The following DMBT1 variants were observed in gnomAD, a reference collection of about 807,000 sequenced individuals.
DMBT1 encodes scavenger receptor cysteine-rich domain-containing protein DMBT1.
In DMBT1, 198 loss-of-function variants were observed where a neutral mutation model predicts 252.9. The ratio of observed to expected loss-of-function variants is 0.78; its 90% confidence interval spans 0.70 to 0.88. DMBT1 has a LOEUF of 0.88. DMBT1 is among the 40% of genes least tolerant of loss of function. The pLI, the probability that DMBT1 is intolerant of heterozygous loss-of-function variation, is 0.00. For synonymous variants in DMBT1, 990 were observed against 942.7 expected (o/e 1.05, Z -0.92); for missense variants, 2,432 against 2,404.7 (o/e 1.01, Z -0.24).
chr10:122,579,643 G>A lies in DMBT1; in HGVS notation c.745G>A (p.Val249Ile), dbSNP rs778048506. Residue 249 changes from valine (V) to isoleucine (I), a missense_variant, in exon 10 of 56, where the codon GTC becomes ATC. Coordinates refer to ENST00000338354, the MANE Select transcript of DMBT1 (RefSeq NM_001377530.1). The part of the protein sequence containing the change: ...GGDRCRGRVE[V>I]LYRGSWGTVC... ...CGACAGGTGTCGAGGCCGAGTGGAG[G>A]TCCTATACCGAGGCTCCTGGGGCAC... 2.5e-6 allele frequency: 4 copies of A among 1,613,582 alleles called. No homozygotes were observed. The highest frequency in any genetic ancestry group is 1.7e-5 in the Admixed American group (1 of 59,982).
chr10:122,566,121 A>G, intron 2 of DMBT1, 125 bp downstream of exon 2: 1 of 972,510 alleles, frequency 1.0e-6, no homozygotes, highest in East Asian at 2.5e-5. Flanking sequence ...CGAATGCAGG[A>G]ATGCCGGGGG....
intron 10 of DMBT1, among the ~76,000 whole-genome samples, chr10:122,580,203 G>T (rs2097755809): frequency 6.6e-6 from 1 of 152,216 alleles, no homozygotes; most frequent in African/African-American, 2.4e-5. Flanking sequence ...GAGTAGCACG[G>T]TGTGAGGGTA....
rs749268445 is a variant in DMBT1 at position 122,621,237 on chromosome 10, C to T, written c.5465C>T (p.Ala1822Val). ...TGGGCCATGTCGGCCCCAGGAAATG[C>T]CCGGTTTGGCCAGGGCTCAGGACCC... ...CGWAMSAPGN[A>V]RFGQGSGPIV... Residue 1822 changes from alanine to valine, a missense_variant, in exon 44 of 56, where the codon GCC (alanine) becomes GTC (valine). Around this residue, in one of 3 missense-constraint regions of DMBT1, gnomAD observed 1,162 missense variants for 1,169.0 expected, o/e 0.99. Transcript: ENST00000338354. The T allele has an allele frequency of 1.9e-6, 3 of 1,613,806 alleles. No homozygotes were observed. Among genetic ancestry groups the T allele is most frequent in the African/African-American group, 1.3e-5 (1 of 75,018 alleles).
intron 6 of DMBT1, among the ~76,000 whole-genome samples, chr10:122,574,452 G>A (rs1357259081): frequency 6.6e-6 from 1 of 152,144 alleles, no homozygotes; most frequent in African/African-American, 2.4e-5. Flanking sequence ...CATGCAGTTG[G>A]GAATGCTGAT....
intron 6 of DMBT1, among the ~76,000 whole-genome samples, chr10:122,575,971 C>T (rs1985795): frequency 0.64 from 97,270 of 151,954 alleles, 31,618 homozygotes; most frequent in Admixed American, 0.73. Flanking sequence ...AGGAATATCA[C>T]GTGACAAATG....
chr10:122,568,270 G>C (rs372525217), intron 2 of DMBT1, among the ~76,000 whole-genome samples: 1 of 152,206 alleles, frequency 6.6e-6, no homozygotes, highest in Non-Finnish European at 1.5e-5. Context: ...GGGATGATGT[G>C]GGGGGTAGGA....
chr10:122,587,002 C>A (rs1370795277), intron 16 of DMBT1, among the ~76,000 whole-genome samples: 1 of 147,008 alleles, frequency 6.8e-6, no homozygotes, highest in African/African-American at 2.4e-5. Flanking sequence ...GAAGAACTTA[C>A]CCCTGACCAG....
At chr10:122,593,695 A>G (rs2097873031) in intron 21 of DMBT1, 97 bp downstream of exon 21, 4 of 1,388,644 alleles carry the variant, frequency 2.9e-6, no homozygotes, top group South Asian at 1.4e-5. Flanking sequence ...CTGTGTGGAT[A>G]CTGTGGGGCA....
chr10:122,577,918 C>G, intron 8 of DMBT1, 78 bp downstream of exon 8: 1 of 1,492,358 alleles, frequency 6.7e-7, no homozygotes. Context: ...ACAGAGCCCT[C>G]CTGCTTCTCT....
chr10:122,643,616 A>G lies in DMBT1; in HGVS notation c.*218A>G. 1.6e-6 allele frequency: 1 copy of G among 638,702 alleles called. No individual in the cohort carries two copies. Among genetic ancestry groups the G allele is most frequent in the Non-Finnish European group, 2.6e-6 (1 of 377,754 alleles). The allele number at this position is 638,702 out of a possible 1,614,324, so 39.6% of individuals were successfully genotyped here. ...TGAGGTCAAGAGAGTTCTGACCTGGATGGCCCATAGACCTGACGTCCCAGA... is the reference window on the plus strand; with the variant it reads ...TGAGGTCAAGAGAGTTCTGACCTGGGTGGCCCATAGACCTGACGTCCCAGA... On this transcript the variant is annotated 3_prime_UTR_variant, in exon 56 of 56. Transcript: ENST00000338354.
chr10:122,634,411 TTC>T (rs769891803), intron 52 of DMBT1, among the ~76,000 whole-genome samples: 54 of 99,858 alleles, frequency 5.4e-4, no homozygotes, highest in East Asian at 8.4e-4. Context: ...TTTTCTTTCT[TTC>T]TCTCTCTCTC....
rs2097910813 is a variant in DMBT1, at chr10:122,598,828, G to A, written c.3011G>A (p.Gly1004Asp). Residue 1004 changes from glycine (G) to aspartate (D), a missense_variant, in exon 26 of 56, where the codon GGC (glycine) becomes GAC (aspartate). By Grantham distance (94) the Gly-to-Asp change is moderately conservative (BLOSUM62 -1). This residue lies in a region of DMBT1 where 1,264 missense variants were observed against 1,082.2 expected (regional missense o/e 1.17). Transcript: ENST00000338354. ...RLVNGGDRCQ[G>D]RVEVLYQGSW... ...GTGAATGGAGGTGACAGGTGTCAGG[G>A]CCGAGTGGAGGTCCTATACCAAGGC... 1 of 1,613,634 alleles carries A rather than the reference G, an allele frequency of 6.2e-7. No individual in the cohort carries two copies. The highest frequency in any genetic ancestry group is 8.5e-7 in the Non-Finnish European group (1 of 1,179,746).
intron 46 of DMBT1, 22 bp downstream of exon 46, chr10:122,625,987 T>C (rs1236163003): frequency 1.3e-6 from 2 of 1,596,610 alleles, no homozygotes; most frequent in Non-Finnish European, 1.7e-6. Flanking sequence ...ATTTTCTACC[T>C]GAACCATAGG....
rs765143474 is a variant in DMBT1, at chr10:122,618,068, G to A, written c.4943G>A (p.Arg1648Gln). 1.1e-5 allele frequency: 18 copies of A among 1,613,532 alleles called. No homozygotes were observed. The highest frequency in any genetic ancestry group is 1.7e-4 in the Middle Eastern group (1 of 5,964). The change falls in exon 41 of 56, where the codon CGA becomes CAA. Residue 1648 changes from arginine (R) to glutamine (Q), a missense_variant. By Grantham distance (43) the Arg-to-Gln change is conservative. Transcript: ENST00000338354. ...LRLVNGGDRCRGRVEVLYQGS... is the reference protein window; with the variant it reads ...LRLVNGGDRCQGRVEVLYQGS... The stretch of plus-strand genomic sequence containing the variant: ...CTGGTGAATGGAGGTGACAGGTGTC[G>A]AGGCCGAGTGGAGGTCCTATACCAA...
At chr10:122,617,300 C>G (rs769511215) in intron 40 of DMBT1, 40 bp downstream of exon 40, 3 of 1,597,752 alleles carry the variant, frequency 1.9e-6, no homozygotes, top group Non-Finnish European at 2.6e-6. Context: ...CTCACTATCT[C>G]TGGACATATT....
chr10:122,592,671 T>C (rs1274014263), intron 20 of DMBT1, 76 bp downstream of exon 20: 11 of 1,569,416 alleles, frequency 7.0e-6, no homozygotes, highest in Non-Finnish European at 9.5e-6. Context: ...TACATTCTGA[T>C]CTCCTCACTC....
At chr10:122,626,769 T>C (rs2098121995) in intron 46 of DMBT1, among the ~76,000 whole-genome samples, 1 of 152,226 alleles carries the variant, frequency 6.6e-6, no homozygotes, top group African/African-American at 2.4e-5. Flanking sequence ...TGACAACTGT[T>C]TCCAAGGAAA....
rs764828234 is a variant in DMBT1 at position 122,630,448 on chromosome 10, C to T, written c.5983C>T (p.Gln1995Ter). Residue 1995 changes from glutamine (Q) to a stop codon, truncating the protein, a stop_gained, in exon 48 of 56, where the codon CAA (glutamine) becomes TAA (stop). Coordinates refer to ENST00000338354, the MANE Select transcript of DMBT1 (RefSeq NM_001377530.1). LOFTEE classifies it high-confidence loss of function. The stretch of plus-strand genomic sequence containing the variant: ...TCACTTTCGAAGTGACATCAGTTTC[C>T]AAAACACTGGCTTTTTGGCTTGGTA... ...TIHFRSDISF[Q>*]NTGFLAWYNS... 2.5e-6 allele frequency: 4 copies of T among 1,613,996 alleles called. No individual in the cohort carries two copies. Among genetic ancestry groups the T allele is most frequent in the Non-Finnish European group, 2.5e-6 (3 of 1,179,900 alleles).
intron 27 of DMBT1, among the ~76,000 whole-genome samples, chr10:122,600,539 G>A (rs937320218): frequency 1.6e-4 from 24 of 152,220 alleles, no homozygotes; most frequent in Non-Finnish European, 2.1e-4. Flanking sequence ...TTTGTATCCA[G>A]AAAAGGCAGA....
Sources: allele counts gnomAD v4.1 joint callset (sites outside exome capture counted in the v4.1 genomes callset), GRCh38; gene constraint gnomAD v4.1.1; regional missense constraint gnomAD v4.1.1; transcripts MANE v1.5; gene names NCBI Gene and HGNC (gene_info 2026-07-23, HGNC 2026-07-21).